TMEM132D: variants seen among roughly 807,000 people sequenced by gnomAD.
TMEM132D encodes the protein mature OL transmembrane protein.
Under a neutral mutation model 62.3 loss-of-function variants are expected in TMEM132D, and 21 were observed. That is an observed-to-expected ratio of 0.34 (90% CI 0.24 to 0.49). The LOEUF (loss-of-function observed/expected upper bound fraction) is 0.49. TMEM132D is among the 20% of genes least tolerant of loss of function. TMEM132D has a pLI of 0.99. For synonymous variants in TMEM132D, 621 were observed against 575.6 expected (o/e 1.08, Z -1.13); for missense variants, 1,346 against 1,402.8 (o/e 0.96, Z 0.65).
intron 3 of TMEM132D, among the ~76,000 whole-genome samples, chr12:129,473,332 T>TTG (rs1566081298): frequency 7.5e-6 from 1 of 134,190 alleles, no homozygotes; most frequent in Non-Finnish European, 1.6e-5. Context: ...TTGTTTTTTT[T>TTG]TTTTTTTTTT....
chr12:129,361,452 C>T (rs765397381), intron 3 of TMEM132D, among the ~76,000 whole-genome samples: 1 of 152,134 alleles, frequency 6.6e-6, no homozygotes, highest in Non-Finnish European at 1.5e-5. Flanking sequence ...GAGCAGCTTT[C>T]CCTGCAGAAA....
intron 5 of TMEM132D, among the ~76,000 whole-genome samples, chr12:129,192,524 GA>G (rs1463119543): frequency 6.6e-6 from 1 of 152,214 alleles, no homozygotes; most frequent in Admixed American, 6.5e-5. Flanking sequence ...TCTTATAAGA[GA>G]AACTTTAAGG....
chr12:129,501,097 AC>A (rs1232632794), intron 3 of TMEM132D, among the ~76,000 whole-genome samples: 2 of 152,212 alleles, frequency 1.3e-5, no homozygotes, highest in African/African-American at 4.8e-5. Context: ...CAGCATCAAG[AC>A]AAGATTTATT....
At chr12:129,688,783 A>G (rs1394838709) in intron 2 of TMEM132D, among the ~76,000 whole-genome samples, 1 of 152,110 alleles carries the variant, frequency 6.6e-6, no homozygotes, top group Non-Finnish European at 1.5e-5. Flanking sequence ...GGAATGGAAA[A>G]CTAAATGATA....
intron 2 of TMEM132D, among the ~76,000 whole-genome samples, chr12:129,637,584 CG>C (rs1879516989): frequency 1.3e-5 from 2 of 152,202 alleles, no homozygotes; most frequent in Non-Finnish European, 2.9e-5. Flanking sequence ...ATGCCTGCTC[CG>C]GCTTTGCCTT....
intron 5 of TMEM132D, among the ~76,000 whole-genome samples, chr12:129,188,379 C>T (rs1032962419): frequency 6.6e-6 from 1 of 152,208 alleles, no homozygotes; most frequent in African/African-American, 2.4e-5. Context: ...CTCCAGCTGA[C>T]TGCAGATTCA....
At chr12:129,440,594 G>A (rs10847874) in intron 3 of TMEM132D, among the ~76,000 whole-genome samples, 19,946 of 152,140 alleles carry the variant, frequency 0.13, 1,882 homozygotes, top group East Asian at 0.51. Flanking sequence ...AGAGGTTATT[G>A]GGTTTGGAGG....
chr12:129,135,504 A>G (rs1017850813), intron 5 of TMEM132D, among the ~76,000 whole-genome samples: 7 of 152,300 alleles, frequency 4.6e-5, no homozygotes, highest in African/African-American at 1.7e-4. Context: ...TCGCTGGCAC[A>G]AGTGGGTGAT....
rs534130558 is a variant in TMEM132D at position 129,497,425 on chromosome 12, G to A, written c.1115+33634C>T. On this transcript the variant is annotated intron_variant, in intron 3 of 8. Transcript: ENST00000422113. ...GCTCCACGACTCCACCTCTTACTGA[G>A]CACAGCAATGCTGTTCCCTCCCTTT... is the stretch of plus-strand genomic sequence containing the variant. Among the ~76,000 whole-genome samples, 23 of 152,324 alleles carry A rather than the reference G, an allele frequency of 1.5e-4. No homozygotes were observed. In the South Asian group the frequency reaches 4.8e-3, roughly 32 times the overall value.
rs926807689 is a variant in TMEM132D, at chr12:129,231,011, T to C, written c.1300-21348A>G. Among the ~76,000 whole-genome samples the C allele has an allele frequency of 2.0e-4, 31 of 152,366 alleles. 1 individual carries two copies. The highest frequency in any genetic ancestry group is 7.5e-4 in the African/African-American group (31 of 41,592). ...ATGTAGCCAGGGTTAGGAAAAATCT[T>C]TGAAACCACTTATCTTGTTTATTTA... On this transcript the variant is annotated intron_variant, in intron 4 of 8. Transcript: ENST00000422113.
chr12:129,470,322 G>A (rs370852291), intron 3 of TMEM132D, among the ~76,000 whole-genome samples: 4 of 152,142 alleles, frequency 2.6e-5, no homozygotes, highest in Admixed American at 6.5e-5. Context: ...CTAAGATTTT[G>A]TTTTTTTAAA....
chr12:129,491,744 C>A (rs919469523), intron 3 of TMEM132D, among the ~76,000 whole-genome samples: 2 of 152,154 alleles, frequency 1.3e-5, no homozygotes, highest in Admixed American at 6.5e-5. Context: ...GAGTTCAAGG[C>A]CAGCCTGGGC....
At chr12:129,194,794 A>G (rs1878502540) in intron 5 of TMEM132D, among the ~76,000 whole-genome samples, 1 of 152,186 alleles carries the variant, frequency 6.6e-6, no homozygotes, top group South Asian at 2.1e-4. Context: ...CAAATGAAGA[A>G]AATGTTCAGA....
At chr12:129,108,701 C>A (rs550541032) in intron 5 of TMEM132D, among the ~76,000 whole-genome samples, 50 of 152,342 alleles carry the variant, frequency 3.3e-4, no homozygotes, top group Non-Finnish European at 5.0e-4. Flanking sequence ...CAAACTTCAG[C>A]AGTGCTCAAT....
intron 3 of TMEM132D, among the ~76,000 whole-genome samples, chr12:129,464,901 A>C (rs1211213178): frequency 2.0e-5 from 3 of 151,356 alleles, no homozygotes; most frequent in Admixed American, 6.6e-5. Context: ...GAAGTCAGGT[A>C]GCATGATGCC....
chr12:129,177,566 T>C (rs1470187621), intron 5 of TMEM132D, among the ~76,000 whole-genome samples: 1 of 152,134 alleles, frequency 6.6e-6, no homozygotes, highest in African/African-American at 2.4e-5. Context: ...AAGACCAGCC[T>C]GGACAACATA....
chr12:129,413,264 A>G (rs986005850), intron 3 of TMEM132D, among the ~76,000 whole-genome samples: 2 of 152,144 alleles, frequency 1.3e-5, no homozygotes, highest in Non-Finnish European at 2.9e-5. Context: ...TTCTTGTGGT[A>G]GTGAATAAGT....
intron 3 of TMEM132D, among the ~76,000 whole-genome samples, chr12:129,372,977 G>A (rs78279607): frequency 0.014 from 2,202 of 152,166 alleles, 36 homozygotes; most frequent in East Asian, 0.077. Context: ...GCTGCTTTAA[G>A]CCACTAAGTT....
At chr12:129,410,657 G>A (rs1291072469) in intron 3 of TMEM132D, among the ~76,000 whole-genome samples, 1 of 152,104 alleles carries the variant, frequency 6.6e-6, no homozygotes, top group Non-Finnish European at 1.5e-5. Flanking sequence ...CACCGTGCCT[G>A]GCCTTCTCAA....
Sources: allele counts gnomAD v4.1 joint callset (sites outside exome capture counted in the v4.1 genomes callset), GRCh38; gene constraint gnomAD v4.1.1; transcripts MANE v1.5; gene names NCBI Gene and HGNC (gene_info 2026-07-23, HGNC 2026-07-21).